ZNF385D: variants seen among roughly 807,000 people sequenced by gnomAD.
The protein encoded by ZNF385D is zinc finger protein 659.
A neutral mutation model predicts 35.8 loss-of-function variants in ZNF385D; 15 were observed. The ratio of observed to expected loss-of-function variants is 0.42; its 90% CI spans 0.28 to 0.64. ZNF385D has a LOEUF of 0.64. ZNF385D is among the 30% of genes least tolerant of loss of function. ZNF385D has a pLI of 0.23. For synonymous variants in ZNF385D, 212 were observed against 186.8 expected (o/e 1.13, Z -1.10); for missense variants, 474 against 494.6 (o/e 0.96, Z 0.39).
rs539316749 is a variant in ZNF385D at position 21,657,097 on chromosome 3, G to T, written c.165+7789C>A. On this transcript the variant is annotated intron_variant, in intron 2 of 7. Coordinates refer to ENST00000281523, the MANE Select transcript of ZNF385D (RefSeq NM_024697.3). ...GTGTGTGTAATGTGTATTATGCCTC[G>T]ATCTTTAATGAGAAGAACAATTAAC... is the stretch of plus-strand genomic sequence containing the variant. 8.2e-4 allele frequency among the ~76,000 whole-genome samples: 124 copies of T among 151,710 alleles called. 1 individual carries two copies. Among genetic ancestry groups the T allele is most frequent in the African/African-American group, 2.7e-3 (111 of 41,422 alleles).
chr3:21,757,135 T>G (rs1262639032), intron 3 of ZNF385D, among the ~76,000 whole-genome samples: 1 of 107,484 alleles, frequency 9.3e-6, no homozygotes, highest in African/African-American at 3.8e-5. Flanking sequence ...TTTTTTTTTT[T>G]TTTTGTTTTC....
intron 3 of ZNF385D, among the ~76,000 whole-genome samples, chr3:22,048,317 C>CA (rs1164062207): frequency 2.0e-5 from 3 of 151,942 alleles, no homozygotes; most frequent in Admixed American, 6.6e-5. Context: ...GGGCCATATT[C>CA]AAAAAAATCA....
chr3:21,817,423 C>T (rs2073200103), intron 3 of ZNF385D, among the ~76,000 whole-genome samples: 1 of 152,130 alleles, frequency 6.6e-6, no homozygotes, highest in Non-Finnish European at 1.5e-5. Flanking sequence ...AAAATTGTTG[C>T]AATCTACCCA....
At chr3:21,493,215 A>G (rs983406279) in intron 4 of ZNF385D, among the ~76,000 whole-genome samples, 1 of 152,116 alleles carries the variant, frequency 6.6e-6, no homozygotes, top group African/African-American at 2.4e-5. Flanking sequence ...TAAGTCACCA[A>G]CATATTTTTT....
chr3:22,030,276 T>TAC, intron 3 of ZNF385D, among the ~76,000 whole-genome samples: 1 of 103,586 alleles, frequency 9.7e-6, no homozygotes, highest in Middle Eastern at 4.6e-3. Context: ...TATATATATA[T>TAC]ATATATATAT....
At chr3:22,238,658 CATTT>C (rs1439378999) in intron 2 of ZNF385D, among the ~76,000 whole-genome samples, 4 of 150,750 alleles carry the variant, frequency 2.7e-5, no homozygotes, top group Admixed American at 1.3e-4. Flanking sequence ...TTACAGAACT[CATTT>C]ATTAGCTCTA....
intron 2 of ZNF385D, among the ~76,000 whole-genome samples, chr3:22,347,144 CA>C (rs1262242195): frequency 3.3e-5 from 5 of 152,128 alleles, no homozygotes; most frequent in African/African-American, 9.6e-5. Context: ...TTACCCTTTA[CA>C]AAAAAATGTG....
At chr3:22,099,544 T>A (rs1325823770) in intron 3 of ZNF385D, among the ~76,000 whole-genome samples, 1 of 152,072 alleles carries the variant, frequency 6.6e-6, no homozygotes, top group Non-Finnish European at 1.5e-5. Context: ...GTAGGAAATG[T>A]GTGGCTGAGA....
chr3:22,241,384 C>A lies in ZNF385D; in HGVS notation c.107-72349G>T, dbSNP rs77790813. Among the ~76,000 whole-genome samples the A allele has an allele frequency of 5.4e-3, 819 of 151,324 alleles. 50 individuals are homozygous for A. The highest frequency in any genetic ancestry group is 0.019 in the African/African-American group (766 of 41,048). On this transcript the variant is annotated intron_variant, in intron 2 of 5. Transcript: ENST00000494108. ...TTGTCAATTCTATATTGGTTTTGAT[C>A]TTTGCCTATTCTATGTTCTCAGTCT...
chr3:21,567,026 A>T (rs924736594), intron 2 of ZNF385D, among the ~76,000 whole-genome samples: 3 of 152,224 alleles, frequency 2.0e-5, no homozygotes, highest in Non-Finnish European at 2.9e-5. Flanking sequence ...ATGCATCAGC[A>T]GCTTGTTCCT....
chr3:21,604,888 G>A (rs9862044), intron 2 of ZNF385D, among the ~76,000 whole-genome samples: 3 of 152,136 alleles, frequency 2.0e-5, no homozygotes, highest in Non-Finnish European at 4.4e-5. Flanking sequence ...TATTTATTTG[G>A]CTGTTTGTTT....
rs2062127080 is a variant in ZNF385D, at chr3:21,539,760, A to ATTG, written c.276+24811_276+24813dup. Among the ~76,000 whole-genome samples the ATTG allele has an allele frequency of 6.6e-6, 1 of 152,170 alleles. No individual in the cohort carries two copies. The highest frequency in any genetic ancestry group is 1.5e-5 in the Non-Finnish European group (1 of 68,004). On this transcript the variant is annotated intron_variant, in intron 3 of 7. Coordinates refer to ENST00000281523, the MANE Select transcript of ZNF385D (RefSeq NM_024697.3). The surrounding 1 kb of genome is among the most constrained non-coding windows in gnomAD (Gnocchi z 4.0). ...TGTTCTACCATGATAATGTTTTATC[A>ATTG]TTGTTATAGTAACTTTTCTGATAAT...
intron 2 of ZNF385D, among the ~76,000 whole-genome samples, chr3:22,178,995 G>T (rs1341830220): frequency 1.3e-5 from 2 of 152,094 alleles, no homozygotes; most frequent in Non-Finnish European, 2.9e-5. Flanking sequence ...TAGCCTTGTA[G>T]TATAGTTTGA....
At chr3:22,203,280 C>T (rs1163509217) in intron 2 of ZNF385D, among the ~76,000 whole-genome samples, 5 of 152,090 alleles carry the variant, frequency 3.3e-5, no homozygotes, top group Admixed American at 2.6e-4. Flanking sequence ...TTTCTAGAAA[C>T]ACACTGGGAC....
At chr3:21,718,780 G>T (rs1389527639) in intron 1 of ZNF385D, among the ~76,000 whole-genome samples, 1 of 152,180 alleles carries the variant, frequency 6.6e-6, no homozygotes, top group African/African-American at 2.4e-5. Flanking sequence ...CAACCTGAAT[G>T]GAGAATGTTC....
chr3:22,366,887 G>A lies in ZNF385D; in HGVS notation c.106+5563C>T, dbSNP rs146004959. Among the ~76,000 whole-genome samples, 7 of 152,252 alleles carry A rather than the reference G, an allele frequency of 4.6e-5. No individual in the cohort carries two copies. The East Asian group carries it at 9.7e-4, about 21-fold the overall frequency. On this transcript the variant is annotated intron_variant, in intron 2 of 5. Coordinates refer to the ZNF385D transcript ENST00000494108. ...GAAGAAGGCAGTGAAGACAAAGGCCGAGATTGGAGTGATGTGGCCACAAGC... is the reference window on the plus strand; with the variant it reads ...GAAGAAGGCAGTGAAGACAAAGGCCAAGATTGGAGTGATGTGGCCACAAGC...
intron 3 of ZNF385D, among the ~76,000 whole-genome samples, chr3:22,015,394 C>T (rs1399269132): frequency 3.9e-5 from 6 of 152,136 alleles, no homozygotes; most frequent in Admixed American, 3.3e-4. Flanking sequence ...CCTAAGTCAA[C>T]TTGAAAGAAA....
At chr3:22,110,743 C>G (rs1702476876) in intron 3 of ZNF385D, among the ~76,000 whole-genome samples, 1 of 150,730 alleles carries the variant, frequency 6.6e-6, no homozygotes, top group Admixed American at 6.6e-5. Flanking sequence ...ACATATGTAA[C>G]TAACCTGCCC....
chr3:21,657,020 A>G (rs1374125245), intron 2 of ZNF385D, among the ~76,000 whole-genome samples: 1 of 151,876 alleles, frequency 6.6e-6, no homozygotes, highest in Admixed American at 6.6e-5. Context: ...TCATCTCATT[A>G]TGATTAGGTT....
Sources: allele counts gnomAD v4.1 joint callset (sites outside exome capture counted in the v4.1 genomes callset), GRCh38; gene constraint gnomAD v4.1.1; non-coding constraint Gnocchi (gnomAD v3.1); transcripts MANE v1.5; gene names NCBI Gene and HGNC (gene_info 2026-07-23, HGNC 2026-07-21).